GALK1: variants seen among roughly 807,000 people sequenced by gnomAD.
The protein encoded by GALK1 is galactokinase.
Under a neutral mutation model 38.6 loss-of-function variants are expected in GALK1, and 30 were observed. That is an observed-to-expected ratio of 0.78 (90% CI 0.58 to 1.05). The LOEUF is 1.05. Ranked by LOEUF, GALK1 falls within the 50% of genes least tolerant of loss-of-function variation. The pLI, the probability that GALK1 is intolerant of heterozygous loss-of-function variation, is 0.00. For missense variants in GALK1, 512 were observed against 540.5 expected, an observed-to-expected ratio of 0.95 and a Z score of 0.52; for synonymous variants, 240 against 233.6, an observed-to-expected ratio of 1.03 and a Z score of -0.25.
intron 8 of GALK1, chr17:75,752,467 C>G: frequency 1.2e-6 from 2 of 1,613,620 alleles, no homozygotes; most frequent in Non-Finnish European, 1.7e-6. Context: ...CCTGACATCC[C>G]TATCGTGGAC....
chr17:75,757,288 C>T (rs145897252), downstream of GALK1: 112 of 1,611,896 alleles, frequency 6.9e-5, 1 homozygote, highest in African/African-American at 6.7e-4. Context: ...CCCACACCAG[C>T]GCCACCGAGC....
At chr17:75,754,842 C>A (rs2061451994), downstream of GALK1, 1 of 1,613,862 alleles carries the variant, frequency 6.2e-7, no homozygotes, top group African/African-American at 1.3e-5. Flanking sequence ...AACCCTGCCT[C>A]TCCCACTAAC....
chr17:75,757,000 C>T (rs757519296), downstream of GALK1: 27 of 1,612,770 alleles, frequency 1.7e-5, no homozygotes, highest in African/African-American at 2.7e-5. Flanking sequence ...CTGACCGTGC[C>T]GGGCCTCAGC....
rs1263331625 is a variant in GALK1, at chr17:75,758,494, T to C, written c.899A>G (p.Tyr300Cys). ...QAAAALRRGDYRAFGRLMVES... is the reference protein window; with the variant it reads ...QAAAALRRGDCRAFGRLMVES... ...CACCATGAGGCGGCCAAAGGCTCTG[T>C]AGTCGCCACGTCTCAGGGCGGCCGC... The change falls in exon 6 of 8, where the codon TAC becomes TGC. Residue 300 changes from tyrosine (Y) to cysteine (C), a missense_variant. By Grantham distance (194) the Tyr-to-Cys change is radical. Coordinates refer to ENST00000588479, the MANE Select transcript of GALK1 (RefSeq NM_000154.2). The C allele has an allele frequency of 1.9e-6, 3 of 1,578,520 alleles. No individual in the cohort carries two copies. The highest frequency in any genetic ancestry group is 1.3e-5 in the African/African-American group (1 of 74,394).
At chr17:75,756,873 C>T (rs78884789), downstream of GALK1, 22,611 of 1,612,284 alleles carry the variant, frequency 0.014, 209 homozygotes, top group Non-Finnish European at 0.017. Flanking sequence ...CTGCCCACCC[C>T]GGGGGCAGGA....
At chr17:75,756,999 C>G, downstream of GALK1, 1 of 1,612,878 alleles carries the variant, frequency 6.2e-7, no homozygotes, top group South Asian at 1.1e-5. Context: ...GCTGACCGTG[C>G]CGGGCCTCAG....
downstream of GALK1, chr17:75,754,544 C>G: frequency 6.2e-7 from 1 of 1,612,764 alleles, no homozygotes; most frequent in Non-Finnish European, 8.5e-7. Context: ...CTGGGGCAGG[C>G]CTGACCAAGG....
chr17:75,755,662 C>T (rs1357015496), downstream of GALK1: 14 of 1,611,278 alleles, frequency 8.7e-6, no homozygotes, highest in African/African-American at 1.3e-5. Flanking sequence ...GAGACCCTAG[C>T]CCCTGCATCT....
At chr17:75,757,692 C>T (rs1211574318), downstream of GALK1, 1 of 1,246,216 alleles carries the variant, frequency 8.0e-7, no homozygotes, top group South Asian at 1.2e-5. Context: ...CTAGGTGTCT[C>T]CTGGGAGGCA....
chr17:75,754,464 A>G, downstream of GALK1: 1 of 1,401,328 alleles, frequency 7.1e-7, no homozygotes, highest in African/African-American at 1.4e-5. Flanking sequence ...GGTTGTATTT[A>G]AGCAAAAGCC....
At chr17:75,754,785 T>G (rs749795200), downstream of GALK1, 12 of 1,612,312 alleles carry the variant, frequency 7.4e-6, no homozygotes, top group African/African-American at 4.0e-5. Context: ...GCCCAGGGAC[T>G]ACTCCACCCT....
At position 75,763,134 on chromosome 17, in the gene GALK1, G is replaced by T; in HGVS notation, c.491C>A (p.Ala164Asp). 1 of 1,611,866 alleles carries T rather than the reference G, an allele frequency of 6.2e-7. No individual in the cohort carries two copies. The highest frequency in any genetic ancestry group is 8.5e-7 in the Non-Finnish European group (1 of 1,179,994). The part of the protein sequence containing the change: ...QQLCPDSGTI[A>D]ARAQVCQQAE... Reference sequence around the variant, plus strand: ...CTGCTGACACACCTGGGCGCGGGCAGCTATTGTGCCCGAGTCTGCAGTACA... The same window carrying T: ...CTGCTGACACACCTGGGCGCGGGCATCTATTGTGCCCGAGTCTGCAGTACA... The change falls in exon 4 of 8, where the codon GCT becomes GAT. Residue 164 changes from alanine to aspartate, a missense_variant. By Grantham distance (126) the Ala-to-Asp change is moderately radical. Transcript: ENST00000588479.
At position 75,758,280 on chromosome 17, in the gene GALK1, C is replaced by T. The variant is rs1304821372; in HGVS notation, c.1037G>A (p.Gly346Asp). The change falls in exon 7 of 8, where the codon GGT becomes GAT. Residue 346 changes from glycine to aspartate, a missense_variant. Transcript: ENST00000588479. ...PGVYGSRMTG[G>D]GFGGCTVTLL... ...TGTCACCGTGCAGCCACCGAAGCCA[C>T]CGCCCGTCATGCGGCTGCCATAAAC... The T allele has an allele frequency of 6.3e-7, 1 of 1,593,046 alleles. No homozygotes were observed. Among genetic ancestry groups the T allele is most frequent in the Non-Finnish European group, 8.5e-7 (1 of 1,170,862 alleles).
chr17:75,765,180 G>T lies in GALK1; in HGVS notation c.-44C>A, dbSNP rs758902207. ...TGCACAGCTGCTCCGGCACAGCCCC[G>T]TCGGCGCGGGATGCTCGGGCGGGGC... On this transcript the variant is annotated 5_prime_UTR_variant, in exon 1 of 8. Coordinates refer to ENST00000588479, the MANE Select transcript of GALK1 (RefSeq NM_000154.2). 7.2e-7 allele frequency: 1 copy of T among 1,395,650 alleles called. No homozygotes were observed. The allele number at this position is 1,395,650 out of a possible 1,614,324, so 86.5% of individuals were successfully genotyped here. A position where few individuals can be genotyped will look rare whatever the true frequency, so the allele number is the denominator to read the frequency against.
chr17:75,761,611 C>T (rs1342047793), intron 5 of GALK1, among the ~76,000 whole-genome samples: 2 of 136,578 alleles, frequency 1.5e-5, no homozygotes, highest in African/African-American at 5.5e-5. Flanking sequence ...GGCAAGCCTC[C>T]ACCTCACCAA....
At chr17:75,756,644 C>T, downstream of GALK1, 1 of 1,612,888 alleles carries the variant, frequency 6.2e-7, no homozygotes, top group South Asian at 1.1e-5. Context: ...AGCCCCAGAG[C>T]TGCCCCCATC....
Position 75,758,293 on chromosome 17 carries a change from G to A in GALK1, c.1024C>T (p.Arg342Cys), listed in dbSNP as rs769167240. The part of the protein sequence containing the change: ...ALAVPGVYGS[R>C]MTGGGFGGCT... Reference sequence around the variant, plus strand: ...CCACCGAAGCCACCGCCCGTCATGCGGCTGCCATAAACCCCAGGCACAGCA... The same window carrying A: ...CCACCGAAGCCACCGCCCGTCATGCAGCTGCCATAAACCCCAGGCACAGCA... Residue 342 changes from arginine (R) to cysteine (C), a missense_variant, in exon 7 of 8, where the codon CGC becomes TGC. Arg to Cys is a radical substitution (Grantham distance 180). Coordinates refer to ENST00000588479, the MANE Select transcript of GALK1 (RefSeq NM_000154.2). The A allele has an allele frequency of 1.2e-5, 19 of 1,591,676 alleles. No homozygotes were observed. The highest frequency in any genetic ancestry group is 9.1e-5 in the East Asian group (4 of 43,852).
intron 2 of GALK1, chr17:75,763,663 G>T: frequency 1.5e-6 from 1 of 684,398 alleles, no homozygotes; most frequent in East Asian, 2.7e-5. Context: ...TCCTGGTTTA[G>T]GGCTCTGGAG....
At chr17:75,757,360 G>A, downstream of GALK1, 2 of 1,612,862 alleles carry the variant, frequency 1.2e-6, no homozygotes, top group Non-Finnish European at 1.7e-6. Flanking sequence ...CAGGGAGCTA[G>A]CAGAGGGAGA....
Sources: allele counts gnomAD v4.1 joint callset (sites outside exome capture counted in the v4.1 genomes callset), GRCh38; gene constraint gnomAD v4.1.1; transcripts MANE v1.5; gene names NCBI Gene and HGNC (gene_info 2026-07-23, HGNC 2026-07-21).